The following DPP6 variants were observed in gnomAD, a reference collection of about 807,000 sequenced individuals.
DPP6 encodes dipeptidyl peptidase like 6.
In DPP6, 69 loss-of-function variants were observed where a neutral mutation model predicts 122.6. That is an observed-to-expected ratio of 0.56 (90% confidence interval 0.46 to 0.69). The LOEUF (loss-of-function observed/expected upper bound fraction) is 0.69, where lower values mean the gene tolerates loss of function less well. Ranked by LOEUF, DPP6 falls within the 30% of genes least tolerant of loss-of-function variation. The probability of loss-of-function intolerance (pLI) is 0.00; values close to 1 mark genes in which losing one functional copy is unlikely to be tolerated. For synonymous variants in DPP6, 418 were observed against 433.1 expected (o/e 0.97, Z 0.43); for missense variants, 928 against 1,116.9 (o/e 0.83, Z 2.41).
intron 1 of DPP6, among the ~76,000 whole-genome samples, chr7:153,952,900 T>G (rs1161538874): frequency 6.6e-6 from 1 of 152,240 alleles, no homozygotes; most frequent in Non-Finnish European, 1.5e-5. Flanking sequence ...TTTAAAAGGC[T>G]TACCATAGAA....
At chr7:154,574,627 GT>G (rs1831378328) in intron 5 of DPP6, among the ~76,000 whole-genome samples, 1 of 131,268 alleles carries the variant, frequency 7.6e-6, no homozygotes, top group Admixed American at 7.7e-5. Flanking sequence ...TATGTGTGTG[GT>G]GTGTGTGTGT....
intron 6 of DPP6, among the ~76,000 whole-genome samples, chr7:154,638,247 G>T (rs1835850979): frequency 6.6e-6 from 1 of 152,098 alleles, no homozygotes; most frequent in South Asian, 2.1e-4. Flanking sequence ...AGGGTTCCTG[G>T]TTATACCCAC....
the DPP6 span, among the ~76,000 whole-genome samples, chr7:153,821,264 A>G: frequency 2.0e-5 from 3 of 151,454 alleles, no homozygotes; most frequent in African/African-American, 7.3e-5. Context: ...TTATTATTAC[A>G]TTAGCAAATA....
At chr7:154,102,635 A>G (rs1271305385) in intron 1 of DPP6, among the ~76,000 whole-genome samples, 1 of 152,276 alleles carries the variant, frequency 6.6e-6, no homozygotes, top group South Asian at 2.1e-4. Context: ...GCTTTTTAGT[A>G]TCATCCTTAG....
At chr7:154,316,249 A>G (rs1347543657) in intron 1 of DPP6, among the ~76,000 whole-genome samples, 1 of 152,152 alleles carries the variant, frequency 6.6e-6, no homozygotes, top group Non-Finnish European at 1.5e-5. Flanking sequence ...GTCCTACCCA[A>G]AAACATTTCT....
At chr7:154,133,534 G>C (rs1795394010) in intron 1 of DPP6, among the ~76,000 whole-genome samples, 1 of 152,136 alleles carries the variant, frequency 6.6e-6, no homozygotes, top group East Asian at 1.9e-4. Flanking sequence ...CATTAGTTAG[G>C]CATGAGGCAT....
At chr7:154,565,127 A>G (rs1341318950) in intron 4 of DPP6, among the ~76,000 whole-genome samples, 12 of 152,216 alleles carry the variant, frequency 7.9e-5, no homozygotes, top group Non-Finnish European at 1.5e-4. Context: ...ATGTTTATGA[A>G]TCAACAATAT....
intron 8 of DPP6, among the ~76,000 whole-genome samples, chr7:154,765,149 A>G (rs1437800965): frequency 6.6e-6 from 1 of 152,174 alleles, no homozygotes; most frequent in South Asian, 2.1e-4. Context: ...ACTTAGCACA[A>G]GTCCTCCAGG....
chr7:154,047,703 T>C (rs1468484329), upstream of DPP6, among the ~76,000 whole-genome samples: 4 of 152,236 alleles, frequency 2.6e-5, no homozygotes, highest in South Asian at 4.1e-4. Flanking sequence ...CAAGATTTGA[T>C]AAATATTCAG....
chr7:154,258,791 G>A (rs1298564313), intron 1 of DPP6, among the ~76,000 whole-genome samples: 1 of 152,118 alleles, frequency 6.6e-6, no homozygotes, highest in African/African-American at 2.4e-5. Flanking sequence ...AAACACAACA[G>A]TAATGAGAGA....
At chr7:154,208,229 G>A (rs936567430) in intron 1 of DPP6, among the ~76,000 whole-genome samples, 10 of 152,158 alleles carry the variant, frequency 6.6e-5, no homozygotes, top group Non-Finnish European at 1.2e-4. Flanking sequence ...TTTCACTACT[G>A]GAATGCCTCA....
At chr7:154,651,834 C>A (rs1191869700) in intron 6 of DPP6, among the ~76,000 whole-genome samples, 1 of 152,142 alleles carries the variant, frequency 6.6e-6, no homozygotes, top group Non-Finnish European at 1.5e-5. Flanking sequence ...CGGTCTGTGC[C>A]CCCACAGCCC....
At chr7:154,014,375 G>T (rs188872946) in intron 1 of DPP6, among the ~76,000 whole-genome samples, 1 of 147,772 alleles carries the variant, frequency 6.8e-6, no homozygotes, top group Non-Finnish European at 1.5e-5. Flanking sequence ...TCAAAATAAT[G>T]CATGGGGCTG....
chr7:154,837,989 A>T (rs1052255687), intron 16 of DPP6, among the ~76,000 whole-genome samples: 4 of 152,126 alleles, frequency 2.6e-5, no homozygotes, highest in Non-Finnish European at 4.4e-5. Flanking sequence ...ACATTTTTTT[A>T]AAAATTGTTC....
rs531111817 is a variant in DPP6 at position 154,231,738 on chromosome 7, G to A, written c.243+178675G>A. Among the ~76,000 whole-genome samples the A allele has an allele frequency of 9.1e-4, 139 of 152,298 alleles. 1 individual carries two copies. The highest frequency in any genetic ancestry group is 3.2e-3 in the African/African-American group (132 of 41,564). On this transcript the variant is annotated intron_variant, in intron 1 of 25. Coordinates refer to ENST00000377770, the MANE Select transcript of DPP6 (RefSeq NM_130797.4). The stretch of plus-strand genomic sequence containing the variant: ...CCTGGAGCACTTGCGAGCCACAGAT[G>A]AGAGAGGACCTTTCAGTGACTGATT...
intron 1 of DPP6, among the ~76,000 whole-genome samples, chr7:154,097,406 G>C (rs1805406998): frequency 2.0e-5 from 3 of 152,374 alleles, no homozygotes; most frequent in Admixed American, 2.0e-4. Context: ...AGCCCTTTGA[G>C]GGCAGGACCC....
chr7:154,736,755 A>G (rs1842587343), intron 8 of DPP6, among the ~76,000 whole-genome samples: 1 of 152,260 alleles, frequency 6.6e-6, no homozygotes, highest in African/African-American at 2.4e-5. Context: ...TGTTTCCCAT[A>G]ACACCAGTGA....
At chr7:154,803,506 G>A (rs1430507976) in intron 13 of DPP6, among the ~76,000 whole-genome samples, 2 of 151,970 alleles carry the variant, frequency 1.3e-5, no homozygotes, top group Non-Finnish European at 2.9e-5. Context: ...TTCAGTAATG[G>A]CTCCATTAAT....
At chr7:154,330,019 T>A (rs564068524) in intron 1 of DPP6, among the ~76,000 whole-genome samples, 3 of 151,030 alleles carry the variant, frequency 2.0e-5, no homozygotes, top group Non-Finnish European at 3.0e-5. Context: ...CATCACACAC[T>A]GGGGCCTGTC....
Sources: allele counts gnomAD v4.1 joint callset (sites outside exome capture counted in the v4.1 genomes callset), GRCh38; gene constraint gnomAD v4.1.1; transcripts MANE v1.5; gene names NCBI Gene and HGNC (gene_info 2026-07-23, HGNC 2026-07-21).